ROR1: variants seen among roughly 807,000 people sequenced by gnomAD.
ROR1 encodes the protein ROR family WNT receptor 1.
ROR1 carries 19 observed loss-of-function variants against 78.8 expected under a neutral mutation model. The ratio of observed to expected loss-of-function variants is 0.24; its 90% CI spans 0.17 to 0.35. The LOEUF is 0.35. ROR1 is among the 10% of genes least tolerant of loss of function. The pLI is 1.00. For synonymous variants in ROR1, 386 were observed against 433.6 expected (o/e 0.89, Z 1.36); for missense variants, 917 against 1,177.8 (o/e 0.78, Z 3.24).
rs1650454162 is a variant in ROR1 at position 64,178,481 on chromosome 1, C to G, written c.2440C>G (p.Gln814Glu). ...GFIGPPIPQN[Q>E]RFIPINGYPI... is the part of the protein sequence containing the mutation. ...CATTGGCCCGCCAATACCTCAGAACCAGCGATTCATTCCCATCAATGGATA... is the reference window on the plus strand; with the variant it reads ...CATTGGCCCGCCAATACCTCAGAACGAGCGATTCATTCCCATCAATGGATA... The change falls in exon 9 of 9, where the codon CAG becomes GAG. Residue 814 changes from glutamine (Q) to glutamate (E), a missense_variant. Physicochemically the swap from Gln to Glu is conservative, Grantham distance 29 (BLOSUM62 2). Transcript: ENST00000371079. This position sits in a 1 kb window ranked among gnomAD's most constrained non-coding sequence, Gnocchi z 4.3. 1 of 1,614,196 alleles carries G rather than the reference C, an allele frequency of 6.2e-7. No individual in the cohort carries two copies. The highest frequency in any genetic ancestry group is 1.7e-5 in the Admixed American group (1 of 60,032).
chr1:64,017,750 C>CCT (rs1646532652), intron 2 of ROR1, among the ~76,000 whole-genome samples: 1 of 152,182 alleles, frequency 6.6e-6, no homozygotes, highest in African/African-American at 2.4e-5. Flanking sequence ...CATAGAACCC[C>CCT]ACCTCCATCC....
chr1:64,149,015 A>G (rs1649549744), intron 7 of ROR1, among the ~76,000 whole-genome samples: 1 of 87,886 alleles, frequency 1.1e-5, no homozygotes, highest in South Asian at 3.9e-4. Flanking sequence ...AATCAGATGG[A>G]AAAAAAAATA....
intron 1 of ROR1, among the ~76,000 whole-genome samples, chr1:63,924,221 C>G (rs1645680571): frequency 6.6e-6 from 1 of 152,132 alleles, no homozygotes; most frequent in African/African-American, 2.4e-5. Flanking sequence ...ATGTACTCAG[C>G]ACTACTTGAA....
chr1:63,789,257 G>T, intron 1 of ROR1: 1 of 578,428 alleles, frequency 1.7e-6, no homozygotes, highest in Non-Finnish European at 3.3e-6. Context: ...TCTTGCCACA[G>T]GGGAGGACCC....
chr1:63,958,536 A>G (rs886697137), intron 1 of ROR1, among the ~76,000 whole-genome samples: 1 of 152,204 alleles, frequency 6.6e-6, no homozygotes, highest in Non-Finnish European at 1.5e-5. Flanking sequence ...GCCAAGAGGA[A>G]GGGAAGGAGG....
chr1:63,865,152 A>AT (rs961481930), intron 1 of ROR1, among the ~76,000 whole-genome samples: 2 of 151,768 alleles, frequency 1.3e-5, no homozygotes, highest in African/African-American at 2.4e-5. Flanking sequence ...CTGCAAGGGA[A>AT]TTTTTTTTTA....
intron 1 of ROR1, among the ~76,000 whole-genome samples, chr1:63,966,936 T>G (rs995119846): frequency 3.9e-5 from 6 of 152,192 alleles, no homozygotes; most frequent in African/African-American, 1.4e-4. Context: ...TGACCCTTAT[T>G]TCCTCTGCTT....
intron 1 of ROR1, among the ~76,000 whole-genome samples, chr1:63,824,163 G>C (rs1299882727): frequency 6.6e-6 from 1 of 152,120 alleles, no homozygotes; most frequent in South Asian, 2.1e-4. Flanking sequence ...AACTGATCTT[G>C]TCTTTTCTGT....
At chr1:63,984,420 T>C (rs1037612098) in intron 1 of ROR1, among the ~76,000 whole-genome samples, 2 of 152,148 alleles carry the variant, frequency 1.3e-5, no homozygotes, top group Non-Finnish European at 2.9e-5. Context: ...TTGTGGTTTG[T>C]CCATCCTTGG....
At chr1:64,164,898 C>T (rs2100735038) in intron 8 of ROR1, among the ~76,000 whole-genome samples, 1 of 152,306 alleles carries the variant, frequency 6.6e-6, no homozygotes, top group South Asian at 2.1e-4. Flanking sequence ...TGGTCTCCAG[C>T]TCCATCCATG....
At chr1:63,820,727 G>A (rs1195356690) in intron 1 of ROR1, among the ~76,000 whole-genome samples, 3 of 152,206 alleles carry the variant, frequency 2.0e-5, no homozygotes, top group Non-Finnish European at 4.4e-5. Context: ...TCTGCCTGGA[G>A]TGGTTGTGTA....
intron 1 of ROR1, among the ~76,000 whole-genome samples, chr1:63,941,042 A>G (rs977732434): frequency 6.6e-6 from 1 of 152,166 alleles, no homozygotes; most frequent in Non-Finnish European, 1.5e-5. Flanking sequence ...TCATAGGCCA[A>G]TGTCATGAAA....
chr1:64,053,461 T>G (rs1392228487), intron 4 of ROR1, among the ~76,000 whole-genome samples: 1 of 152,200 alleles, frequency 6.6e-6, no homozygotes, highest in Non-Finnish European at 1.5e-5. Context: ...TCGTTTGGTT[T>G]CCGTTCATAG....
intron 4 of ROR1, among the ~76,000 whole-genome samples, chr1:64,121,856 ACTT>A (rs1313279156): frequency 6.6e-6 from 1 of 152,036 alleles, no homozygotes; most frequent in Non-Finnish European, 1.5e-5. Flanking sequence ...TTTCTTCCTG[ACTT>A]CTACCCTTGG....
chr1:63,981,633 G>A (rs906178497), intron 1 of ROR1, among the ~76,000 whole-genome samples: 1 of 152,120 alleles, frequency 6.6e-6, no homozygotes, highest in Non-Finnish European at 1.5e-5. Context: ...GAGAGCTGGT[G>A]TCCTGGGATC....
At chr1:63,975,433 C>G (rs2100502410) in intron 1 of ROR1, among the ~76,000 whole-genome samples, 1 of 152,256 alleles carries the variant, frequency 6.6e-6, no homozygotes, top group East Asian at 1.9e-4. Context: ...TATATGGGAG[C>G]TCTTCAGTCT....
At chr1:64,011,482 A>C (rs1251467739) in intron 2 of ROR1, among the ~76,000 whole-genome samples, 1 of 152,212 alleles carries the variant, frequency 6.6e-6, no homozygotes, top group Admixed American at 6.5e-5. Flanking sequence ...ATGGCAATAG[A>C]AAAGCATCAA....
chr1:64,169,184 T>C (rs886916737), intron 8 of ROR1, among the ~76,000 whole-genome samples: 1 of 152,206 alleles, frequency 6.6e-6, no homozygotes, highest in African/African-American at 2.4e-5. Context: ...AATACTCCTC[T>C]AATTTTAGTA....
intron 4 of ROR1, among the ~76,000 whole-genome samples, chr1:64,067,902 C>T (rs1452003722): frequency 6.6e-6 from 1 of 151,788 alleles, no homozygotes; most frequent in Non-Finnish European, 1.5e-5. Context: ...TTAGTAGAGA[C>T]GGGGTTTCAC....
Sources: allele counts gnomAD v4.1 joint callset (sites outside exome capture counted in the v4.1 genomes callset), GRCh38; gene constraint gnomAD v4.1.1; non-coding constraint Gnocchi (gnomAD v3.1); transcripts MANE v1.5; gene names NCBI Gene and HGNC (gene_info 2026-07-23, HGNC 2026-07-21).